Variants in MACF1 observed in about 807,000 individuals in gnomAD.
The protein encoded by MACF1 is microtubule actin crosslinking factor 1.
MACF1 carries 193 observed loss-of-function variants against 854.8 expected under a neutral mutation model. The observed-to-expected ratio is 0.23, with a 90% confidence interval of 0.20 to 0.25. The LOEUF (loss-of-function observed/expected upper bound fraction) is 0.25, where lower values mean the gene tolerates loss of function less well. MACF1 is among the 10% of genes least tolerant of loss of function. MACF1 has a pLI of 1.00. For missense variants in MACF1, 7,722 were observed against 8,929.1 expected, an observed-to-expected ratio of 0.86 and a Z score of 5.45; for synonymous variants, 3,185 against 3,226.7, an observed-to-expected ratio of 0.99 and a Z score of 0.44.
intron 26 of MACF1, among the ~76,000 whole-genome samples, chr1:39,314,589 A>C (rs1646375205): frequency 6.6e-6 from 1 of 151,126 alleles, no homozygotes; most frequent in African/African-American, 2.4e-5. Flanking sequence ...ACACACACAC[A>C]CACACACACA....
chr1:39,392,388 TC>T (rs34792323), intron 58 of MACF1, among the ~76,000 whole-genome samples: 5 of 152,202 alleles, frequency 3.3e-5, no homozygotes, highest in African/African-American at 7.2e-5. Flanking sequence ...GATTAATCTT[TC>T]CTTACTCCAG....
Position 39,133,927 on chromosome 1 carries a change from T to C in MACF1, c.220+49489T>C, listed in dbSNP as rs529946486. On this transcript the variant is annotated intron_variant, in intron 2 of 93. Coordinates refer to the MACF1 transcript ENST00000361689. ...GGTAGGTTATGAGAAGTTTCATTTT[T>C]GGGTTTTGTGAATACTACGAACAGC... Among the ~76,000 whole-genome samples the C allele has an allele frequency of 1.3e-4, 20 of 152,136 alleles. No individual in the cohort carries two copies. In the South Asian group the frequency reaches 3.7e-3, roughly 28 times the overall value.
At position 39,283,071 on chromosome 1, in the gene MACF1, T is replaced by C; in HGVS notation, c.696-118T>C. On this transcript the variant is annotated intron_variant, in intron 7 of 100. Transcript: ENST00000564288. The surrounding 1 kb of genome is among the most constrained non-coding windows in gnomAD (Gnocchi z 4.5). The stretch of plus-strand genomic sequence containing the variant: ...TTGTACTCTTCTAAACCTCCTGCTT[T>C]TTCTCTAACTCACTTAGTGTTTTTC... 1.5e-6 allele frequency: 1 copy of C among 659,720 alleles called. No homozygotes were observed. Among genetic ancestry groups the C allele is most frequent in the Non-Finnish European group, 2.7e-6 (1 of 375,218 alleles). The allele number at this position is 659,720 out of a possible 1,614,324, so 40.9% of individuals were successfully genotyped here.
At position 39,358,781 on chromosome 1, in the gene MACF1, A is replaced by G. The variant is rs1647817403; in HGVS notation, c.12028A>G (p.Met4010Val). 3.7e-6 allele frequency: 6 copies of G among 1,613,816 alleles called. No individual in the cohort carries two copies. Among genetic ancestry groups the G allele is most frequent in the Admixed American group, 1.7e-5 (1 of 59,940 alleles). Residue 4010 changes from methionine to valine, a missense_variant, in exon 46 of 101, where the codon ATG becomes GTG. By Grantham distance (21) the Met-to-Val change is conservative. Transcript: ENST00000564288. Reference sequence around the variant, plus strand: ...CAGTGCTGACAGCCTGCAGGCCTGGATGCAGGCTTGTGAGGCCAACGTGGA... The same window carrying G: ...CAGTGCTGACAGCCTGCAGGCCTGGGTGCAGGCTTGTGAGGCCAACGTGGA... ...QNSADSLQAW[M>V]QACEANVEKL...
intron 97 of MACF1, among the ~76,000 whole-genome samples, chr1:39,471,010 A>G (rs995422819): frequency 2.0e-5 from 3 of 152,134 alleles, no homozygotes; most frequent in Non-Finnish European, 4.4e-5. Context: ...TCTAGAAGCT[A>G]TTTTCTATGA....
In MACF1 at chr1:39,103,182, C is replaced by A. The variant is rs113078265; in HGVS notation, c.220+18744C>A. ...AACCCCTTGCCTTCTCCCTGCAACG[C>A]CCCCAGGTCTTCTCTGATTCTCACA... On this transcript the variant is annotated intron_variant, in intron 2 of 93. Coordinates refer to the MACF1 transcript ENST00000361689. 9.1e-4 allele frequency: 344 copies of A among 377,468 alleles called. 2 individuals are homozygous for A. Among genetic ancestry groups the A allele is most frequent in the African/African-American group, 6.6e-3 (319 of 47,986 alleles). 23.4% of individuals were successfully genotyped at this position (377,468 alleles called of 1,614,324 possible). A position where few individuals can be genotyped will look rare whatever the true frequency, so the allele number is the denominator to read the frequency against.
In MACF1 at chr1:39,310,406, C is replaced by A; in HGVS notation, c.3078C>A (p.His1026Gln). The change falls in exon 25 of 101, where the codon CAC becomes CAA. Residue 1026 changes from histidine to glutamine, a missense_variant. By Grantham distance (24) the His-to-Gln change is conservative. Transcript: ENST00000564288. ...EVEACKARFQ[H>Q]LMKSMENEDK... Reference sequence around the variant, plus strand: ...AAGCTTGTAAAGCCCGCTTCCAGCACCTGATGAAGTCCATGGAGAATGGTG... The same window carrying A: ...AAGCTTGTAAAGCCCGCTTCCAGCAACTGATGAAGTCCATGGAGAATGGTG... 1 of 1,613,936 alleles carries A rather than the reference C, an allele frequency of 6.2e-7. No homozygotes were observed. Among genetic ancestry groups the A allele is most frequent in the Non-Finnish European group, 8.5e-7 (1 of 1,179,966 alleles).
chr1:39,417,914 A>C (rs908435273), intron 58 of MACF1, among the ~76,000 whole-genome samples: 2 of 151,908 alleles, frequency 1.3e-5, no homozygotes, highest in Admixed American at 1.3e-4. Flanking sequence ...TGTGCCAGGT[A>C]CTAGGCTCCT....
At chr1:39,430,146 T>G in intron 65 of MACF1, 78 bp downstream of exon 65, 1 of 1,479,452 alleles carries the variant, frequency 6.8e-7, no homozygotes, top group Non-Finnish European at 9.1e-7. Flanking sequence ...AACCTTTACC[T>G]TAAATATAAA....
intron 2 of MACF1, among the ~76,000 whole-genome samples, chr1:39,123,617 C>T (rs970363595): frequency 4.0e-5 from 6 of 151,574 alleles, no homozygotes; most frequent in Non-Finnish European, 8.8e-5. Flanking sequence ...CAGCTCACTG[C>T]AGCCTCAATC....
rs1643864667 is a variant in MACF1 at position 39,430,707 on chromosome 1, A to G, written c.17136A>G (p.Leu5712=). Residue 5712 remains leucine, a synonymous_variant, in exon 66 of 101, where the codon TTA becomes TTG. Coordinates refer to ENST00000564288, the MANE Select transcript of MACF1 (RefSeq NM_001394062.1). The part of the protein sequence containing the change: ...IPQFQQRQKE[L]KKEVMEHRLV... Reference sequence around the variant, plus strand: ...AAACTCTTTTCCCTCCTTAGGAATTAAAGAAGGAGGTCATGGAGCACAGGC... The same window carrying G: ...AAACTCTTTTCCCTCCTTAGGAATTGAAGAAGGAGGTCATGGAGCACAGGC... 7 of 1,611,378 alleles carry G rather than the reference A, an allele frequency of 4.3e-6. No individual in the cohort carries two copies. Among genetic ancestry groups the G allele is most frequent in the Non-Finnish European group, 4.2e-6 (5 of 1,179,328 alleles).
chr1:39,284,469 G>A (rs1645607777), intron 11 of MACF1, 41 bp downstream of exon 11: 1 of 1,350,846 alleles, frequency 7.4e-7, no homozygotes, highest in Non-Finnish European at 1.0e-6. Context: ...GGGTTTGCTG[G>A]TCTGTACTGT....
intron 80 of MACF1, among the ~76,000 whole-genome samples, chr1:39,445,776 T>A (rs960805834): frequency 1.3e-5 from 2 of 152,044 alleles, no homozygotes; most frequent in Non-Finnish European, 2.9e-5. Context: ...CTGGGCAATA[T>A]AGCAAGACCC....
chr1:39,367,852 C>A (rs1203819192), intron 49 of MACF1, among the ~76,000 whole-genome samples: 1 of 151,942 alleles, frequency 6.6e-6, no homozygotes, highest in Non-Finnish European at 1.5e-5. Flanking sequence ...AGACTGTAAT[C>A]CCAGCTGCTC....
Position 39,441,150 on chromosome 1 carries a change from CAGTT to C in MACF1, c.18570+28_18570+31del, listed in dbSNP as rs759485714. The C allele has an allele frequency of 8.1e-6, 13 of 1,614,118 alleles. No individual in the cohort carries two copies. In the Admixed American group the frequency reaches 1.2e-4, roughly 14 times the overall value. ...GGTGTGGAGAAATGGATGAGGCACT[CAGTT>C]AGAACATTAGTGGGCCCAGACTGAA... On this transcript the variant is annotated intron_variant, in intron 73 of 100. Transcript: ENST00000564288.
intron 2 of MACF1, among the ~76,000 whole-genome samples, chr1:39,196,434 A>T (rs1644320699): frequency 6.6e-6 from 1 of 152,156 alleles, no homozygotes; most frequent in Admixed American, 6.5e-5. Flanking sequence ...TCTGAAGCCC[A>T]CATCCTCTGC....
At chr1:39,180,856 C>T (rs1022602828) in intron 2 of MACF1, among the ~76,000 whole-genome samples, 7 of 152,020 alleles carry the variant, frequency 4.6e-5, no homozygotes, top group Non-Finnish European at 8.8e-5. Context: ...GTTTTGGGAA[C>T]TTGTTGAAAA....
In MACF1 at chr1:39,429,859, G is replaced by A; in HGVS notation, c.16921G>A (p.Asp5641Asn). 6.2e-7 allele frequency: 1 copy of A among 1,614,094 alleles called. No individual in the cohort carries two copies. The highest frequency in any genetic ancestry group is 8.5e-7 in the Non-Finnish European group (1 of 1,179,966). The change falls in exon 65 of 101, where the codon GAT becomes AAT. Residue 5641 changes from aspartate (D) to asparagine (N), a missense_variant. This residue lies in a region of MACF1 where 2,807 missense variants were observed against 3,235.8 expected (regional missense o/e 0.87). Transcript: ENST00000564288. Reference sequence around the variant, plus strand: ...GGTGTTACTTATCCAGGAAAAACTAGATGGTATAAAGACTCGTTACGCAGA... The same window carrying A: ...GGTGTTACTTATCCAGGAAAAACTAAATGGTATAAAGACTCGTTACGCAGA... ...EEVLLIQEKL[D>N]GIKTRYADIT... is the part of the protein sequence containing the mutation.
intron 1 of MACF1, among the ~76,000 whole-genome samples, chr1:39,221,699 T>TAAAGG (rs1644654061): frequency 6.6e-6 from 1 of 152,228 alleles, no homozygotes; most frequent in Admixed American, 6.5e-5. Context: ...TGTTTCTACC[T>TAAAGG]CTACATTGCA....
Sources: gnomAD v4.1 joint callset for allele counts (sites outside exome capture counted in the v4.1 genomes callset) on GRCh38, gnomAD v4.1.1 for gene constraint, gnomAD v4.1.1 regional missense constraint, Gnocchi (gnomAD v3.1) non-coding constraint, MANE v1.5 for transcripts, NCBI Gene and HGNC (gene_info 2026-07-23, HGNC 2026-07-21) for gene names.